NUP98: variants seen among roughly 807,000 people sequenced by gnomAD.
NUP98 encodes the protein nuclear pore complex protein Nup98-Nup96.
A neutral mutation model predicts 191.9 loss-of-function variants in NUP98; 26 were observed. The observed-to-expected ratio is 0.14, with a 90% confidence interval of 0.10 to 0.19. NUP98 has a LOEUF of 0.19. NUP98 is among the 10% of genes least tolerant of loss of function. NUP98 has a pLI of 1.00. For synonymous variants in NUP98, 808 were observed against 778.4 expected (o/e 1.04, Z -0.63); for missense variants, 1,941 against 2,178.8 (o/e 0.89, Z 2.17).
At chr11:3,749,240 G>A (rs1310566823) in intron 11 of NUP98, among the ~76,000 whole-genome samples, 2 of 151,910 alleles carry the variant, frequency 1.3e-5, no homozygotes, top group African/African-American at 2.4e-5. Flanking sequence ...CCCGGGAAGC[G>A]GAGCTTGCAG....
At chr11:3,742,012 A>G (rs1363198270) in intron 12 of NUP98, among the ~76,000 whole-genome samples, 1 of 152,232 alleles carries the variant, frequency 6.6e-6, no homozygotes, top group Non-Finnish European at 1.5e-5. Context: ...ATAAAGAGAA[A>G]AACCCTATAT....
At chr11:3,716,352 T>C (rs938618689) in intron 18 of NUP98, among the ~76,000 whole-genome samples, 1 of 151,286 alleles carries the variant, frequency 6.6e-6, no homozygotes, top group African/African-American at 2.4e-5. Context: ...TTTTTTTTTT[T>C]AGTTTTTTTT....
intron 28 of NUP98, among the ~76,000 whole-genome samples, chr11:3,686,723 C>G (rs2134031987): frequency 6.6e-6 from 1 of 152,270 alleles, no homozygotes; most frequent in East Asian, 1.9e-4. Flanking sequence ...GTGGCTCACG[C>G]CTGTAATCCC....
At chr11:3,743,762 A>C in intron 12 of NUP98, among the ~76,000 whole-genome samples, 1 of 151,386 alleles carries the variant, frequency 6.6e-6, no homozygotes, top group Non-Finnish European at 1.5e-5. Flanking sequence ...GAAGTATGAA[A>C]AACACCTCAG....
At chr11:3,693,485 C>G in intron 26 of NUP98, 110 bp from the exon 27 acceptor site, 1 of 1,092,862 alleles carries the variant, frequency 9.2e-7, no homozygotes, top group Non-Finnish European at 1.3e-6. Context: ...TTAAATGATT[C>G]AGATATAAAA....
chr11:3,750,693 T>C (rs918650094), intron 11 of NUP98, among the ~76,000 whole-genome samples: 1 of 152,056 alleles, frequency 6.6e-6, no homozygotes, highest in Non-Finnish European at 1.5e-5. Flanking sequence ...AGTGGTACTA[T>C]CGTAACCCAC....
intron 4 of NUP98, among the ~76,000 whole-genome samples, chr11:3,777,493 C>T (rs1004665301): frequency 6.6e-5 from 10 of 151,774 alleles, no homozygotes; most frequent in Non-Finnish European, 1.0e-4. Context: ...TGATGGCGGG[C>T]GCCTGTAGGC....
rs1348545499 is a variant in NUP98 at position 3,771,842 on chromosome 11, A to G, written c.690T>C (p.Ser230=). ...CTGTTGCGCTGGAAGTGGCTGGAGA[A>G]GACCCAAACAAGCCAGTTGTGGTAC... ...GAGTTTGLFG[S]SPATSSATGL... Residue 230 remains serine, a synonymous_variant, in exon 7 of 33, where the codon TCT becomes TCC. Transcript: ENST00000324932. 1 of 1,614,158 alleles carries G rather than the reference A, an allele frequency of 6.2e-7. No homozygotes were observed. Among genetic ancestry groups the G allele is most frequent in the East Asian group, 2.2e-5 (1 of 44,878 alleles).
chr11:3,702,960 T>C (rs980553847), intron 22 of NUP98, 68 bp from the exon 23 acceptor site: 2 of 1,309,114 alleles, frequency 1.5e-6, no homozygotes, highest in Middle Eastern at 2.2e-4. Context: ...TCTTGAACAA[T>C]AACAAAAATC....
At chr11:3,788,674 G>T (rs149745537) in intron 1 of NUP98, among the ~76,000 whole-genome samples, 2 of 152,128 alleles carry the variant, frequency 1.3e-5, no homozygotes, top group African/African-American at 2.4e-5. Context: ...GGCTGGGCAC[G>T]GTGGCTCACG....
chr11:3,739,488 C>T (rs968123988), intron 12 of NUP98, among the ~76,000 whole-genome samples: 2 of 152,220 alleles, frequency 1.3e-5, no homozygotes, highest in Middle Eastern at 3.4e-3. Flanking sequence ...CTCAGGTGAT[C>T]CACCCGCCTC....
chr11:3,684,632 GAAGAAAGAGAAACTGCTTA>G (rs1350785747), intron 29 of NUP98, among the ~76,000 whole-genome samples: 6 of 151,940 alleles, frequency 3.9e-5, no homozygotes, highest in Admixed American at 1.3e-4. Flanking sequence ...TAAAGGGGAA[GAAGAAAGAGAAACTGCTTA>G]AAGAAAGAGA....
chr11:3,735,353 T>TAC, intron 12 of NUP98, 29 bp from the exon 13 acceptor site: 1 of 784,424 alleles, frequency 1.3e-6, no homozygotes, highest in South Asian at 3.6e-5. Flanking sequence ...GAAAACAAAA[T>TAC]ATATATATAT....
chr11:3,771,236 C>T (rs1029858011), intron 7 of NUP98, among the ~76,000 whole-genome samples: 2 of 152,198 alleles, frequency 1.3e-5, no homozygotes, highest in African/African-American at 2.4e-5. Flanking sequence ...TGTTTCTACT[C>T]TTACAATCTA....
chr11:3,790,077 A>G (rs2082283617), intron 1 of NUP98, among the ~76,000 whole-genome samples: 1 of 152,240 alleles, frequency 6.6e-6, no homozygotes, highest in African/African-American at 2.4e-5. Flanking sequence ...GCCACGGCAC[A>G]CAGCCCCATT....
intron 31 of NUP98, chr11:3,676,841 AG>A: frequency 1.6e-6 from 1 of 640,120 alleles, no homozygotes; most frequent in Non-Finnish European, 2.8e-6. Flanking sequence ...GCCTTGGACT[AG>A]GAAAAGTCTT....
chr11:3,774,408 T>C (rs559911315), intron 5 of NUP98, among the ~76,000 whole-genome samples: 1 of 149,782 alleles, frequency 6.7e-6, no homozygotes, highest in African/African-American at 2.5e-5. Flanking sequence ...TGAGACTCCA[T>C]CTCAAAAAAC....
intron 11 of NUP98, among the ~76,000 whole-genome samples, chr11:3,750,837 T>G (rs566979745): frequency 1.3e-5 from 2 of 152,132 alleles, no homozygotes; most frequent in African/African-American, 4.8e-5. Flanking sequence ...CATCTTACTA[T>G]GTTGCTCAAG....
intron 6 of NUP98, among the ~76,000 whole-genome samples, chr11:3,773,023 G>T (rs1363797049): frequency 6.6e-6 from 1 of 151,898 alleles, no homozygotes; most frequent in Non-Finnish European, 1.5e-5. Flanking sequence ...CTTTTATTAA[G>T]CTGTACTTTG....
Sources: gnomAD v4.1 joint callset for allele counts (sites outside exome capture counted in the v4.1 genomes callset) on GRCh38, gnomAD v4.1.1 for gene constraint, MANE v1.5 for transcripts, NCBI Gene and HGNC (gene_info 2026-07-23, HGNC 2026-07-21) for gene names.